ZFAND3: variants seen among roughly 807,000 people sequenced by gnomAD.
ZFAND3 encodes AN1-type zinc finger protein 3.
Under a neutral mutation model 29.6 loss-of-function variants are expected in ZFAND3, and 10 were observed. That is an observed-to-expected ratio of 0.34 (90% CI 0.21 to 0.57). The LOEUF is 0.57. Ranked by LOEUF, ZFAND3 falls within the 20% of genes least tolerant of loss-of-function variation. The probability of loss-of-function intolerance (pLI) is 0.86; values close to 1 mark genes in which losing one functional copy is unlikely to be tolerated. For synonymous variants in ZFAND3, 128 were observed against 112.6 expected (o/e 1.14, Z -0.87); for missense variants, 230 against 304.5 (o/e 0.76, Z 1.82).
intron 3 of ZFAND3, among the ~76,000 whole-genome samples, chr6:38,066,389 C>T (rs922539352): frequency 8.5e-5 from 13 of 152,140 alleles, no homozygotes; most frequent in Non-Finnish European, 4.4e-5. Context: ...CAGGAGATTG[C>T]CTATGTTGAT....
In ZFAND3 at chr6:37,963,532, GAAAC is replaced by G. The variant is rs530976679; in HGVS notation, c.112+33539_112+33542del. Among the ~76,000 whole-genome samples the G allele has an allele frequency of 4.6e-3, 698 of 151,642 alleles. 7 individuals are homozygous for G. The highest frequency in any genetic ancestry group is 0.015 in the African/African-American group (640 of 41,340). On this transcript the variant is annotated intron_variant, in intron 2 of 5. Transcript: ENST00000287218. ...ATGAGAAATAATACAAGAAATCAAT[GAAAC>G]AAACAGTTGGCTGTTTAAAAGTTAA...
At chr6:37,960,704 C>A (rs1762179645) in intron 2 of ZFAND3, among the ~76,000 whole-genome samples, 1 of 152,192 alleles carries the variant, frequency 6.6e-6, no homozygotes, top group Admixed American at 6.5e-5. Context: ...AAACTTCTCT[C>A]ATCACAGTTT....
At chr6:37,833,906 A>G (rs1763912756) in intron 1 of ZFAND3, among the ~76,000 whole-genome samples, 1 of 151,900 alleles carries the variant, frequency 6.6e-6, no homozygotes, top group Admixed American at 6.6e-5. Context: ...GTAAAAAGAG[A>G]GAGTTCCCAT....
At chr6:37,823,779 T>A (rs1392407011) in intron 1 of ZFAND3, among the ~76,000 whole-genome samples, 1 of 151,046 alleles carries the variant, frequency 6.6e-6, no homozygotes, top group East Asian at 2.0e-4. Flanking sequence ...GTATTATATA[T>A]GTATTTTTTT....
intron 4 of ZFAND3, among the ~76,000 whole-genome samples, chr6:38,089,979 G>A (rs1038674655): frequency 3.9e-5 from 6 of 152,106 alleles, no homozygotes; most frequent in African/African-American, 7.2e-5. Flanking sequence ...TCAGCCTCCT[G>A]AGTAGCTGGG....
At chr6:37,976,342 G>A (rs1581806025) in intron 2 of ZFAND3, among the ~76,000 whole-genome samples, 1 of 152,238 alleles carries the variant, frequency 6.6e-6, no homozygotes, top group East Asian at 1.9e-4. Context: ...AGCACTTTGG[G>A]AGGCCAAGGT....
chr6:38,154,153 A>T lies in ZFAND3; in HGVS notation c.*1764A>T. On this transcript the variant is annotated 3_prime_UTR_variant, in exon 6 of 6. Coordinates refer to ENST00000287218, the MANE Select transcript of ZFAND3 (RefSeq NM_021943.3). ...TGCCCAGCGTTTACCACTGCTGTCA[A>T]GCCACAGCCCTTGGCCACCATACGG... 1.0e-6 allele frequency: 1 copy of T among 985,598 alleles called. No homozygotes were observed. Among genetic ancestry groups the T allele is most frequent in the Non-Finnish European group, 1.2e-6 (1 of 830,044 alleles). The allele number at this position is 985,598 out of a possible 1,614,324, so 61.1% of individuals were successfully genotyped here. A position where few individuals can be genotyped will look rare whatever the true frequency, so the allele number is the denominator to read the frequency against.
chr6:37,980,045 T>C (rs1581809643), intron 2 of ZFAND3, among the ~76,000 whole-genome samples: 1 of 152,306 alleles, frequency 6.6e-6, no homozygotes, highest in East Asian at 1.9e-4. Context: ...GGGCTACTGC[T>C]GTACTCCACT....
chr6:37,988,826 C>CAG (rs1436103842), intron 2 of ZFAND3, among the ~76,000 whole-genome samples: 5 of 152,120 alleles, frequency 3.3e-5, no homozygotes. Context: ...AGAAATAGAG[C>CAG]AGAGAGCAGC....
At chr6:37,854,061 C>T (rs1764332282) in intron 1 of ZFAND3, among the ~76,000 whole-genome samples, 1 of 152,140 alleles carries the variant, frequency 6.6e-6, no homozygotes. Context: ...AAGCGATTCT[C>T]CTGCCTCAGC....
chr6:38,144,206 T>TATAA (rs1273401304), intron 5 of ZFAND3, among the ~76,000 whole-genome samples: 2 of 44,284 alleles, frequency 4.5e-5, no homozygotes, highest in East Asian at 6.4e-4. Context: ...TATATATATA[T>TATAA]ATATAATATA....
At chr6:37,842,335 A>G (rs1222876631) in intron 1 of ZFAND3, among the ~76,000 whole-genome samples, 1 of 151,998 alleles carries the variant, frequency 6.6e-6, no homozygotes, top group Non-Finnish European at 1.5e-5. Flanking sequence ...CTCGTACCCT[A>G]TCAGGCAGCC....
chr6:37,900,171 A>G (rs1765293624), intron 1 of ZFAND3, among the ~76,000 whole-genome samples: 2 of 152,162 alleles, frequency 1.3e-5, no homozygotes, highest in Non-Finnish European at 2.9e-5. Context: ...TTATGTAACT[A>G]TTTTAAACAA....
chr6:38,078,871 A>C (rs1212220647), intron 3 of ZFAND3, among the ~76,000 whole-genome samples: 1 of 152,216 alleles, frequency 6.6e-6, no homozygotes, highest in East Asian at 1.9e-4. Flanking sequence ...ACAGTGAGTC[A>C]TGGGGACTTA....
intron 2 of ZFAND3, among the ~76,000 whole-genome samples, chr6:38,016,020 T>C (rs2127445762): frequency 6.6e-6 from 1 of 152,356 alleles, no homozygotes; most frequent in Middle Eastern, 3.4e-3. Flanking sequence ...ATGTTTATAA[T>C]GGGCCATACA....
At chr6:37,989,575 T>C (rs1762725634) in intron 2 of ZFAND3, among the ~76,000 whole-genome samples, 1 of 152,172 alleles carries the variant, frequency 6.6e-6, no homozygotes, top group Non-Finnish European at 1.5e-5. Context: ...CATTGAGGAA[T>C]AGGCTTTAAC....
rs541248287 is a variant in ZFAND3, at chr6:38,042,150, A to G, written c.113-19443A>G. Among the ~76,000 whole-genome samples the G allele has an allele frequency of 2.0e-5, 3 of 151,542 alleles. No individual in the cohort carries two copies. The South Asian group carries it at 6.3e-4, about 32-fold the overall frequency. On this transcript the variant is annotated intron_variant, in intron 2 of 5. Coordinates refer to ENST00000287218, the MANE Select transcript of ZFAND3 (RefSeq NM_021943.3). ...GCCTGGCCTAATATATATCTTTTGT[A>G]CTTGTTTTGTTTTCCTTAAAATGAT...
At chr6:37,870,255 A>G (rs552016081) in intron 1 of ZFAND3, among the ~76,000 whole-genome samples, 15 of 129,694 alleles carry the variant, frequency 1.2e-4, no homozygotes, top group Non-Finnish European at 1.7e-4. Flanking sequence ...TGATTGTGCC[A>G]TTGTACCCCA....
intron 3 of ZFAND3, among the ~76,000 whole-genome samples, chr6:38,065,757 T>C (rs73419938): frequency 0.068 from 10,384 of 152,264 alleles, 424 homozygotes; most frequent in Non-Finnish European, 0.087. Context: ...TGTCACAATA[T>C]TATGAAAATG....
Sources: gnomAD v4.1 joint callset for allele counts (sites outside exome capture counted in the v4.1 genomes callset) on GRCh38, gnomAD v4.1.1 for gene constraint, MANE v1.5 for transcripts, NCBI Gene and HGNC (gene_info 2026-07-23, HGNC 2026-07-21) for gene names.